The following ZNF738 variants were observed in gnomAD, a reference collection of about 807,000 sequenced individuals.
ZNF738 encodes protein ZNF738.
ZNF738 carries 10 observed loss-of-function variants against 9.2 expected under a neutral mutation model. The observed-to-expected ratio is 1.09, with a 90% CI of 0.67 to 1.85. The LOEUF is 1.85. ZNF738 is among the 40% of genes most tolerant of loss of function. The pLI, the probability that ZNF738 is intolerant of heterozygous loss-of-function variation, is 0.00. For synonymous variants in ZNF738, 113 were observed against 94.5 expected (o/e 1.20, Z -1.14); for missense variants, 346 against 283.6 (o/e 1.22, Z -1.58).
intron 2 of ZNF738, among the ~76,000 whole-genome samples, chr19:21,374,082 G>T (rs141571798): frequency 6.6e-5 from 10 of 151,916 alleles, no homozygotes; most frequent in African/African-American, 2.4e-4. Flanking sequence ...GCTGTTGAAC[G>T]TGGAAAGATG....
At chr19:21,376,392 T>C (rs951622041) in intron 4 of ZNF738, 1 of 153,582 alleles carries the variant, frequency 6.5e-6, no homozygotes, top group African/African-American at 2.4e-5. Context: ...GTGGTCACTG[T>C]TCTATTGGTT....
chr19:21,377,199 C>T (rs1212138246), intron 4 of ZNF738, among the ~76,000 whole-genome samples: 2 of 151,802 alleles, frequency 1.3e-5, no homozygotes, highest in Admixed American at 1.3e-4. Context: ...CCTAGCTACT[C>T]AGGAGGCGGA....
chr19:21,382,423 G>C (rs2031129635), intron 4 of ZNF738, among the ~76,000 whole-genome samples: 1 of 151,942 alleles, frequency 6.6e-6, no homozygotes, highest in Non-Finnish European at 1.5e-5. Context: ...ATTTGTAGTA[G>C]AGACGGAGTT....
chr19:21,370,943 C>A (rs1399955293), intron 2 of ZNF738, among the ~76,000 whole-genome samples: 4 of 152,150 alleles, frequency 2.6e-5, no homozygotes, highest in Non-Finnish European at 2.9e-5. Context: ...GTGTAGAAAT[C>A]TTAAAGCCCC....
rs1974025734 is a variant in ZNF738 at position 21,383,138 on chromosome 19, C to T, written c.592C>T (p.His198Tyr). ...FLNSNTHKTR[H>Y]TGKKPFKCKK... Reference sequence around the variant, plus strand: ...AAATTCAAATACACATAAGACAAGACATACTGGAAAGAAACCTTTCAAATG... The same window carrying T: ...AAATTCAAATACACATAAGACAAGATATACTGGAAAGAAACCTTTCAAATG... The change falls in exon 5 of 5, where the codon CAT becomes TAT. Residue 198 changes from histidine (H) to tyrosine (Y), a missense_variant. Transcript: ENST00000683779. The T allele has an allele frequency of 6.3e-7, 1 of 1,589,550 alleles. No homozygotes were observed. The highest frequency in any genetic ancestry group is 8.6e-7 in the Non-Finnish European group (1 of 1,159,414).
In ZNF738 at chr19:21,362,323, CA is replaced by C. The variant is rs1973711796; in HGVS notation, c.96+472del. On this transcript the variant is annotated intron_variant, in intron 2 of 4. Coordinates refer to ENST00000683779, the MANE Select transcript of ZNF738 (RefSeq NM_001355237.2). ...TAAAAAACAGTGAAAAATATGTGACCAAAAAAATAGTATCCCGAAAGACAAA... is the reference window on the plus strand; with the variant it reads ...TAAAAAACAGTGAAAAATATGTGACCAAAAAATAGTATCCCGAAAGACAAA... 2.6e-5 allele frequency among the ~76,000 whole-genome samples: 4 copies of C among 151,886 alleles called. No homozygotes were observed. In the South Asian group the frequency reaches 8.4e-4, roughly 32 times the overall value.
intron 2 of ZNF738, among the ~76,000 whole-genome samples, chr19:21,367,429 A>G (rs1973798225): frequency 6.6e-6 from 1 of 152,086 alleles, no homozygotes; most frequent in African/African-American, 2.4e-5. Flanking sequence ...AGTGAGGACA[A>G]TGTTGTGAGA....
At chr19:21,370,397 A>G (rs1387202117) in intron 2 of ZNF738, among the ~76,000 whole-genome samples, 1 of 152,174 alleles carries the variant, frequency 6.6e-6, no homozygotes, top group Non-Finnish European at 1.5e-5. Flanking sequence ...TGCTATTTTT[A>G]TAGAATAAGT....
rs150528898 is a variant in ZNF738 at position 21,366,640 on chromosome 19, A to C, written c.96+4782A>C. The stretch of plus-strand genomic sequence containing the variant: ...AGCAAATTTATTGAGAAAGTAAAGA[A>C]ATAAAAGAAATGGCTTTCTCCATAG... On this transcript the variant is annotated intron_variant, in intron 2 of 4. Transcript: ENST00000683779. Among the ~76,000 whole-genome samples the C allele has an allele frequency of 3.9e-3, 596 of 152,358 alleles. 1 individual carries two copies. Among genetic ancestry groups the C allele is most frequent in the African/African-American group, 0.013 (554 of 41,588 alleles).
chr19:21,373,849 G>GC (rs1378740473), intron 2 of ZNF738, among the ~76,000 whole-genome samples: 3 of 151,038 alleles, frequency 2.0e-5, no homozygotes, highest in Non-Finnish European at 4.4e-5. Flanking sequence ...GGAGTGCGAT[G>GC]CATTTAGTCC....
At chr19:21,364,424 A>C (rs538950983) in intron 2 of ZNF738, among the ~76,000 whole-genome samples, 2 of 152,234 alleles carry the variant, frequency 1.3e-5, no homozygotes, top group South Asian at 4.1e-4. Context: ...ATATAGAATG[A>C]AATTGTATAA....
chr19:21,372,650 A>C (rs1403194383), intron 2 of ZNF738: 1 of 152,216 alleles, frequency 6.6e-6, no homozygotes, highest in Non-Finnish European at 1.5e-5. Flanking sequence ...AGTAAACATA[A>C]ACACAAAAAA....
Position 21,385,948 on chromosome 19 carries a change from C to CA in ZNF738, c.*2277dup, listed in dbSNP as rs1010500041. 1.3e-5 allele frequency among the ~76,000 whole-genome samples: 2 copies of CA among 152,120 alleles called. No individual in the cohort carries two copies. The highest frequency in any genetic ancestry group is 4.8e-5 in the African/African-American group (2 of 41,440). The stretch of plus-strand genomic sequence containing the variant: ...AATCCTACAAATATGAAGAATGTCA[C>CA]AAAGCTTTTAACCACTTCTCAACCC... On this transcript the variant is annotated 3_prime_UTR_variant, in exon 5 of 5. Coordinates refer to ENST00000683779, the MANE Select transcript of ZNF738 (RefSeq NM_001355237.2).
chr19:21,382,066 CTTTTTTTT>C (rs139193236), intron 4 of ZNF738: 1 of 114,602 alleles, frequency 8.7e-6, no homozygotes, highest in Non-Finnish European at 1.7e-5. Context: ...TTCTTTCTTT[CTTTTTTTT>C]TTTTTTTTTG....
chr19:21,359,015 T>A lies in ZNF738; in HGVS notation c.-126T>A. On this transcript the variant is annotated 5_prime_UTR_variant, in exon 1 of 5. Transcript: ENST00000683779. ...CCGCTTCTTTGTCTTTGGCTGCCGC[T>A]GGAACTCCGGGTCTCGTCTTCACTG... 1 of 766,316 alleles carries A rather than the reference T, an allele frequency of 1.3e-6. No individual in the cohort carries two copies. The highest frequency in any genetic ancestry group is 2.4e-6 in the Non-Finnish European group (1 of 417,176). 47.5% of individuals were successfully genotyped at this position (766,316 alleles called of 1,614,324 possible).
chr19:21,365,147 A>T (rs1973759124), intron 2 of ZNF738, among the ~76,000 whole-genome samples: 1 of 152,016 alleles, frequency 6.6e-6, no homozygotes, highest in South Asian at 2.1e-4. Flanking sequence ...TTTCCATGGC[A>T]TTTGTAAACT....
At chr19:21,381,291 A>G in intron 4 of ZNF738, 1 of 1,590,384 alleles carries the variant, frequency 6.3e-7, no homozygotes, top group Non-Finnish European at 8.6e-7. Context: ...AACTCACTGG[A>G]TAATTTGTCT....
chr19:21,386,213 C>A lies in ZNF738; in HGVS notation c.*2539C>A. The stretch of plus-strand genomic sequence containing the variant: ...ATGTGGCAAAGCCTTTAATGGTCCC[C>A]TCAACTTTCTGCACATAAGATAATT... On this transcript the variant is annotated 3_prime_UTR_variant, in exon 5 of 5. Coordinates refer to ENST00000683779, the MANE Select transcript of ZNF738 (RefSeq NM_001355237.2). 1 of 279,924 alleles carries A rather than the reference C, an allele frequency of 3.6e-6. No homozygotes were observed. The highest frequency in any genetic ancestry group is 7.3e-6 in the Non-Finnish European group (1 of 136,746). The allele number at this position is 279,924 out of a possible 1,614,324, so 17.3% of individuals were successfully genotyped here. A position where few individuals can be genotyped will look rare whatever the true frequency, so the allele number is the denominator to read the frequency against.
chr19:21,377,158 T>G (rs1294909222), intron 4 of ZNF738, among the ~76,000 whole-genome samples: 1 of 151,948 alleles, frequency 6.6e-6, no homozygotes, highest in Admixed American at 6.6e-5. Flanking sequence ...AAATACAAAA[T>G]TAGCCAGGTA....
Sources: gnomAD v4.1 joint callset for allele counts (sites outside exome capture counted in the v4.1 genomes callset) on GRCh38, gnomAD v4.1.1 for gene constraint, MANE v1.5 for transcripts, NCBI Gene and HGNC (gene_info 2026-07-23, HGNC 2026-07-21) for gene names.